The following COPG2 variants were observed in gnomAD, a reference collection of about 807,000 sequenced individuals.
The protein encoded by COPG2 is coat protein complex I subunit gamma 2, also known as coatomer subunit gamma-2.
In COPG2, 37 loss-of-function variants were observed where a neutral mutation model predicts 46.3. That is an observed-to-expected ratio of 0.80 (90% CI 0.61 to 1.05). COPG2 has a LOEUF of 1.05. Among genes scored for constraint, COPG2 ranks in the 50% least tolerant of loss-of-function variants. COPG2 has a pLI of 0.00. For missense variants in COPG2, 427 were observed against 387.8 expected (o/e 1.10, Z -0.85); for synonymous variants, 159 against 129.7 (o/e 1.23, Z -1.53).
intron 20 of COPG2, among the ~76,000 whole-genome samples, chr7:130,528,762 G>C (rs1799797517): frequency 6.6e-6 from 1 of 151,874 alleles, no homozygotes; most frequent in African/African-American, 2.4e-5. Context: ...AGGCAATGGA[G>C]CCCAGCAGCT....
chr7:130,629,797 T>C (rs782478916), intron 5 of COPG2, among the ~76,000 whole-genome samples: 1 of 152,184 alleles, frequency 6.6e-6, no homozygotes, highest in Non-Finnish European at 1.5e-5. Flanking sequence ...GGCATTTTTA[T>C]AGACCTATCT....
intron 9 of COPG2, among the ~76,000 whole-genome samples, chr7:130,569,084 T>C (rs1358730467): frequency 1.3e-5 from 2 of 152,088 alleles, no homozygotes; most frequent in African/African-American, 4.8e-5. Context: ...TACTACTAAA[T>C]GCCTACACCA....
intron 3 of COPG2, among the ~76,000 whole-genome samples, chr7:130,664,469 ATCCT>A (rs1285438935): frequency 6.6e-6 from 1 of 152,226 alleles, no homozygotes; most frequent in East Asian, 1.9e-4. Context: ...AAAACCTTAC[ATCCT>A]ACTTTTTTAC....
intron 2 of COPG2, among the ~76,000 whole-genome samples, chr7:130,667,203 G>T (rs532022398): frequency 9.7e-4 from 147 of 152,276 alleles, no homozygotes; most frequent in African/African-American, 3.2e-3. Flanking sequence ...AATACAATGA[G>T]ATTAATACAG....
Position 130,508,585 on chromosome 7 carries a change from C to T in COPG2, c.2224G>A (p.Asp742Asn), listed in dbSNP as rs782581211. 4 of 776,790 alleles carry T rather than the reference C, an allele frequency of 5.1e-6. No individual in the cohort carries two copies. The highest frequency in any genetic ancestry group is 2.4e-5 in the East Asian group (1 of 41,216). 48.1% of individuals were successfully genotyped at this position (776,790 alleles called of 1,614,324 possible). ...CDPNTGVPDEDGYDDEYVLED... is the reference protein window; with the variant it reads ...CDPNTGVPDENGYDDEYVLED... ...ACCACATACTCATCATCATACCCAT[C>T]CTCATCTGGAACTCCAGTGTTAGGG... Residue 742 changes from aspartate to asparagine, a missense_variant, in exon 21 of 24, where the codon GAT becomes AAT. Transcript: ENST00000425248.
At chr7:130,559,647 A>C (rs1054380261) in intron 12 of COPG2, among the ~76,000 whole-genome samples, 2,324 of 152,286 alleles carry the variant, frequency 0.015, 57 homozygotes, top group African/African-American at 0.053. Flanking sequence ...GGTCATACGA[A>C]GATCCCACTA....
chr7:130,595,242 T>C lies in COPG2; in HGVS notation c.737+15711A>G, dbSNP rs909905286. On this transcript the variant is annotated intron_variant, in intron 9 of 23. Transcript: ENST00000425248. ...CGAATCTTGAAAACATTATACTAAA[T>C]GAAAGAAGCCAGAAACAAAAGGCCA... is the stretch of plus-strand genomic sequence containing the variant. Among the ~76,000 whole-genome samples the C allele has an allele frequency of 2.0e-5, 3 of 152,154 alleles. No homozygotes were observed. In the South Asian group the frequency reaches 6.2e-4, roughly 31 times the overall value.
intron 9 of COPG2, among the ~76,000 whole-genome samples, chr7:130,566,050 C>T (rs1793797716): frequency 6.6e-6 from 1 of 152,078 alleles, no homozygotes; most frequent in Non-Finnish European, 1.5e-5. Context: ...CTGAAAACCT[C>T]ATAAGTTTGA....
chr7:130,511,585 T>G (rs781977929), intron 20 of COPG2: 11 of 519,070 alleles, frequency 2.1e-5, no homozygotes, highest in Non-Finnish European at 3.9e-5. Flanking sequence ...TGAAAAGGAG[T>G]TGGTCACTAA....
chr7:130,619,644 A>T (rs1443970057), intron 5 of COPG2, among the ~76,000 whole-genome samples: 1 of 152,150 alleles, frequency 6.6e-6, no homozygotes, highest in Non-Finnish European at 1.5e-5. Context: ...CTCACTGGTA[A>T]TTCATTTCCT....
At chr7:130,634,152 G>A (rs12027775) in intron 5 of COPG2, among the ~76,000 whole-genome samples, 8 of 152,220 alleles carry the variant, frequency 5.3e-5, no homozygotes, top group South Asian at 2.1e-4. Flanking sequence ...GTCAGGTAGC[G>A]TGATGCCTCC....
intron 20 of COPG2, among the ~76,000 whole-genome samples, chr7:130,520,011 T>C (rs1020404618): frequency 0.011 from 1,666 of 152,256 alleles, 30 homozygotes; most frequent in African/African-American, 0.038. Context: ...TAAGAAGCCA[T>C]TGGTGGAAAC....
At chr7:130,509,698 G>T in intron 20 of COPG2, 1 of 519,678 alleles carries the variant, frequency 1.9e-6, no homozygotes, top group South Asian at 1.4e-5. Flanking sequence ...AGATGACTGA[G>T]ACATGATCTC....
At chr7:130,527,512 C>G (rs900850711) in intron 20 of COPG2, among the ~76,000 whole-genome samples, 78 of 151,744 alleles carry the variant, frequency 5.1e-4, no homozygotes, top group Non-Finnish European at 1.1e-3. Flanking sequence ...CCCAGGCAGG[C>G]CTATCCAATC....
chr7:130,646,247 A>G, intron 5 of COPG2, among the ~76,000 whole-genome samples: 1 of 152,214 alleles, frequency 6.6e-6, no homozygotes. Context: ...GTTAATCATC[A>G]GTTTTACAAA....
chr7:130,610,442 G>A, intron 9 of COPG2: 1 of 447,238 alleles, frequency 2.2e-6, no homozygotes, highest in Admixed American at 2.6e-5. Context: ...TCAGGCTGGG[G>A]AAGGGGTCTT....
At chr7:130,527,890 G>C (rs1381535210) in intron 20 of COPG2, among the ~76,000 whole-genome samples, 1 of 152,106 alleles carries the variant, frequency 6.6e-6, no homozygotes, top group East Asian at 1.9e-4. Context: ...CAACGCCTCG[G>C]TCCCAGACTC....
chr7:130,640,222 G>C (rs13232965), intron 5 of COPG2, among the ~76,000 whole-genome samples: 2 of 123,292 alleles, frequency 1.6e-5, no homozygotes. Context: ...TTCTTTCTCA[G>C]TCTCTATTGA....
chr7:130,632,749 T>A (rs1055155465), intron 5 of COPG2, among the ~76,000 whole-genome samples: 9 of 152,152 alleles, frequency 5.9e-5, no homozygotes, highest in Admixed American at 3.9e-4. Flanking sequence ...AATGATTTTT[T>A]TTATTATTAT....
Sources: gnomAD v4.1 joint callset for allele counts (sites outside exome capture counted in the v4.1 genomes callset) on GRCh38, gnomAD v4.1.1 for gene constraint, MANE v1.5 for transcripts, NCBI Gene and HGNC (gene_info 2026-07-23, HGNC 2026-07-21) for gene names.